ADGRG6: variants seen among roughly 807,000 people sequenced by gnomAD.
The protein encoded by ADGRG6 is G-protein coupled receptor 126.
A neutral mutation model predicts 142.4 loss-of-function variants in ADGRG6; 84 were observed. The observed-to-expected ratio is 0.59, with a 90% CI of 0.49 to 0.71. The LOEUF (loss-of-function observed/expected upper bound fraction) is 0.71, where lower values mean the gene tolerates loss of function less well. Ranked by LOEUF, ADGRG6 falls within the 30% of genes least tolerant of loss-of-function variation. The pLI, the probability that ADGRG6 is intolerant of heterozygous loss-of-function variation, is 0.00. For synonymous variants in ADGRG6, 521 were observed against 520.5 expected (o/e 1.00, Z -0.01); for missense variants, 1,367 against 1,466.6 (o/e 0.93, Z 1.11).
chr6:142,425,539 C>G (rs1045494972), intron 22 of ADGRG6, among the ~76,000 whole-genome samples: 1 of 152,278 alleles, frequency 6.6e-6, no homozygotes, highest in Non-Finnish European at 1.5e-5. Context: ...GAATGCAGAG[C>G]AACATCCTGA....
chr6:142,384,046 T>C (rs1781906124), intron 6 of ADGRG6, among the ~76,000 whole-genome samples: 1 of 152,212 alleles, frequency 6.6e-6, no homozygotes, highest in South Asian at 2.1e-4. Context: ...AATGAGTACA[T>C]CTCCAGTACT....
At position 142,309,611 on chromosome 6, in the gene ADGRG6, T is replaced by G. The variant is rs1432847085; in HGVS notation, c.70T>G (p.Phe24Val). 1.9e-6 allele frequency: 3 copies of G among 1,606,598 alleles called. No individual in the cohort carries two copies. Among genetic ancestry groups the G allele is most frequent in the Non-Finnish European group, 2.6e-6 (3 of 1,175,856 alleles). Residue 24 changes from phenylalanine (F) to valine (V), a missense_variant, in exon 2 of 25, where the codon TTT becomes GTT. Physicochemically the swap from Phe to Val is conservative, Grantham distance 50. Transcript: ENST00000367609. ...GAAGCCCAGTCCTCTCCTGTTCTTA[T>G]TTGCTTTATATATCATGTGTGTTCC... ...KWKPSPLLFL[F>V]ALYIMCVPHS... is the part of the protein sequence containing the mutation.
intron 22 of ADGRG6, among the ~76,000 whole-genome samples, chr6:142,427,434 C>T (rs1156825132): frequency 6.6e-6 from 1 of 152,122 alleles, no homozygotes; most frequent in African/African-American, 2.4e-5. Context: ...CAGCCTTGAC[C>T]TTATTGTCCA....
chr6:142,395,515 A>G (rs960636634), intron 9 of ADGRG6, among the ~76,000 whole-genome samples: 5 of 152,198 alleles, frequency 3.3e-5, no homozygotes, highest in African/African-American at 1.2e-4. Flanking sequence ...AAAATCAGCC[A>G]TCGTTAGTAC....
At position 142,330,691 on chromosome 6, in the gene ADGRG6, G is replaced by A. The variant is rs551343761; in HGVS notation, c.103+21047G>A. Among the ~76,000 whole-genome samples, 9 of 152,258 alleles carry A rather than the reference G, an allele frequency of 5.9e-5. No homozygotes were observed. The East Asian group carries it at 1.4e-3, about 23-fold the overall frequency. On this transcript the variant is annotated intron_variant, in intron 2 of 24. Coordinates refer to ENST00000367609, the MANE Select transcript of ADGRG6 (RefSeq NM_198569.3). ...TTTCTATAACCTTATAGTATGGAAT[G>A]CATTTAGTGGGCTGAAAGTTGCAAA...
intron 9 of ADGRG6, among the ~76,000 whole-genome samples, chr6:142,394,175 A>C (rs886551009): frequency 2.0e-5 from 3 of 152,194 alleles, no homozygotes; most frequent in Non-Finnish European, 4.4e-5. Context: ...TAATTGAGAA[A>C]TAGGGCATTT....
chr6:142,430,105 A>C (rs969603483), intron 22 of ADGRG6, among the ~76,000 whole-genome samples: 1 of 152,166 alleles, frequency 6.6e-6, no homozygotes, highest in African/African-American at 2.4e-5. Context: ...TGTTATGCTC[A>C]TGACCTGATT....
intron 16 of ADGRG6, 38 bp downstream of exon 16, chr6:142,408,307 G>A: frequency 6.6e-7 from 1 of 1,504,954 alleles, no homozygotes; most frequent in Non-Finnish European, 9.0e-7. Flanking sequence ...GACAGAAGTG[G>A]ACTATTTAAT....
intron 2 of ADGRG6, among the ~76,000 whole-genome samples, chr6:142,344,406 T>C (rs1478072231): frequency 1.3e-5 from 2 of 151,952 alleles, no homozygotes; most frequent in Non-Finnish European, 2.9e-5. Context: ...CTGTTCTAGA[T>C]CATGTCTACT....
chr6:142,367,518 A>G lies in ADGRG6; in HGVS notation c.104-51A>G, dbSNP rs371346154. The stretch of plus-strand genomic sequence containing the variant: ...GTGTGTGGTATTCTCGGTTTATTGC[A>G]TGCATCTGAACCCAGCCCTTCTCTC... On this transcript the variant is annotated intron_variant, in intron 2 of 24. Coordinates refer to ENST00000367609, the MANE Select transcript of ADGRG6 (RefSeq NM_198569.3). The G allele has an allele frequency of 9.6e-5, 128 of 1,335,910 alleles. No individual in the cohort carries two copies. In the African/African-American group the frequency reaches 1.5e-3, roughly 16 times the overall value. 82.8% of individuals were successfully genotyped at this position (1,335,910 alleles called of 1,614,324 possible). A position where few individuals can be genotyped will look rare whatever the true frequency, so the allele number is the denominator to read the frequency against.
At chr6:142,306,170 T>C (rs1777485946) in intron 1 of ADGRG6, among the ~76,000 whole-genome samples, 1 of 152,182 alleles carries the variant, frequency 6.6e-6, no homozygotes, top group Non-Finnish European at 1.5e-5. Flanking sequence ...ATATCAAAAT[T>C]TCTTCACTAA....
At chr6:142,398,594 T>C (rs1775329049) in intron 10 of ADGRG6, among the ~76,000 whole-genome samples, 1 of 152,162 alleles carries the variant, frequency 6.6e-6, no homozygotes, top group Admixed American at 6.5e-5. Flanking sequence ...ATGGCACGGC[T>C]TGTACTTCCA....
At position 142,438,375 on chromosome 6, in the gene ADGRG6, A is replaced by T; in HGVS notation, c.3574+11A>T. 1 of 1,569,860 alleles carries T rather than the reference A, an allele frequency of 6.4e-7. No individual in the cohort carries two copies. ...GGAATAGCCACACAGGTGAGTCTAA[A>T]GATGTCCTCAAGTTTAGTTCTCATC... On this transcript the variant is annotated intron_variant, in intron 24 of 24. Transcript: ENST00000367609.
chr6:142,332,604 C>G (rs928844695), intron 2 of ADGRG6, among the ~76,000 whole-genome samples: 1 of 151,696 alleles, frequency 6.6e-6, no homozygotes, highest in African/African-American at 2.4e-5. Flanking sequence ...ATTTCCCTTT[C>G]TTATAAATCT....
intron 4 of ADGRG6, among the ~76,000 whole-genome samples, chr6:142,374,797 TAAG>T (rs1781420052): frequency 6.6e-6 from 1 of 152,240 alleles, no homozygotes. Flanking sequence ...AATTGATTGA[TAAG>T]AACTATATGT....
At chr6:142,339,395 CA>C (rs1013052597) in intron 2 of ADGRG6, among the ~76,000 whole-genome samples, 1 of 152,176 alleles carries the variant, frequency 6.6e-6, no homozygotes, top group Non-Finnish European at 1.5e-5. Flanking sequence ...TAGGAACTAT[CA>C]AACATGCTTC....
intron 1 of ADGRG6, 153 bp downstream of exon 1, chr6:142,302,484 C>T: frequency 1.4e-6 from 1 of 740,486 alleles, no homozygotes; most frequent in East Asian, 2.8e-5. Flanking sequence ...TTCAGTTTGC[C>T]CCTCGAGGCA....
chr6:142,346,505 T>C (rs531651459), intron 2 of ADGRG6, among the ~76,000 whole-genome samples: 1 of 152,278 alleles, frequency 6.6e-6, no homozygotes, highest in East Asian at 1.9e-4. Context: ...TGTTTGTTTT[T>C]TTCTTGTAAA....
rs1280816672 is a variant in ADGRG6, at chr6:142,444,206, A to G, written c.*691A>G. ...TATTCTATTCAAGGCATAGGGCCAA[A>G]GCATTAAGTATAATTTAATCCCATA... is the stretch of plus-strand genomic sequence containing the variant. On this transcript the variant is annotated 3_prime_UTR_variant, in exon 25 of 25. Transcript: ENST00000367609. The G allele has an allele frequency of 3.9e-5, 6 of 152,242 alleles. No homozygotes were observed. The highest frequency in any genetic ancestry group is 8.8e-5 in the Non-Finnish European group (6 of 68,042). 9.4% of individuals were successfully genotyped at this position (152,242 alleles called of 1,614,324 possible). A position where few individuals can be genotyped will look rare whatever the true frequency, so the allele number is the denominator to read the frequency against.
Sources: gnomAD v4.1 joint callset for allele counts (sites outside exome capture counted in the v4.1 genomes callset) on GRCh38, gnomAD v4.1.1 for gene constraint, MANE v1.5 for transcripts, NCBI Gene and HGNC (gene_info 2026-07-23, HGNC 2026-07-21) for gene names.